The following ATP8B4 variants were observed in gnomAD, a reference collection of about 807,000 sequenced individuals.
The protein encoded by ATP8B4 is ATPase phospholipid transporting 8B4 (putative).
Under a neutral mutation model 145.6 loss-of-function variants are expected in ATP8B4, and 133 were observed. The ratio of observed to expected loss-of-function variants is 0.91; its 90% CI spans 0.79 to 1.05. The LOEUF (loss-of-function observed/expected upper bound fraction) is 1.05. ATP8B4 is among the 50% of genes least tolerant of loss of function. ATP8B4 has a pLI of 0.00. For synonymous variants in ATP8B4, 507 were observed against 492.9 expected (o/e 1.03, Z -0.38); for missense variants, 1,458 against 1,425.2 (o/e 1.02, Z -0.37).
chr15:50,036,545 T>A (rs1046396400), intron 6 of ATP8B4, among the ~76,000 whole-genome samples: 1 of 152,108 alleles, frequency 6.6e-6, no homozygotes, highest in Admixed American at 6.5e-5. Flanking sequence ...ATCCAAAAAG[T>A]GAAAAGCCAG....
At chr15:49,932,483 C>G (rs1354190768) in intron 15 of ATP8B4, among the ~76,000 whole-genome samples, 1 of 152,026 alleles carries the variant, frequency 6.6e-6, no homozygotes, top group Non-Finnish European at 1.5e-5. Flanking sequence ...CACGAAATAA[C>G]ATAAGTTCTA....
rs190421787 is a variant in ATP8B4 at position 50,044,305 on chromosome 15, G to T, written c.300+289C>A. ...TGAATGCAGGTTGATTTCCAATTCT[G>T]CTCTTCCACAAATTGGTTGTATTAT... On this transcript the variant is annotated intron_variant, in intron 5 of 27. Coordinates refer to ENST00000284509, the MANE Select transcript of ATP8B4 (RefSeq NM_024837.4). Among the ~76,000 whole-genome samples, 240 of 152,304 alleles carry T rather than the reference G, an allele frequency of 1.6e-3. 3 individuals are homozygous for T. The highest frequency in any genetic ancestry group is 5.7e-3 in the African/African-American group (236 of 41,548).
intron 20 of ATP8B4, among the ~76,000 whole-genome samples, chr15:49,911,603 G>C (rs2039236530): frequency 1.3e-5 from 2 of 152,094 alleles, no homozygotes; most frequent in Admixed American, 1.3e-4. Flanking sequence ...GACTTCAACA[G>C]TACATTCTCA....
chr15:49,938,578 G>C (rs2041920596), intron 14 of ATP8B4, among the ~76,000 whole-genome samples: 1 of 152,054 alleles, frequency 6.6e-6, no homozygotes. Context: ...TATATATGCA[G>C]TCAATATTGG....
chr15:50,016,856 C>A (rs2049130889), intron 6 of ATP8B4, among the ~76,000 whole-genome samples: 1 of 152,158 alleles, frequency 6.6e-6, no homozygotes, highest in Non-Finnish European at 1.5e-5. Flanking sequence ...ACATCCACTA[C>A]AAACTGAGAG....
intron 9 of ATP8B4, among the ~76,000 whole-genome samples, chr15:49,993,793 C>T (rs1016578960): frequency 6.6e-6 from 1 of 151,964 alleles, no homozygotes; most frequent in East Asian, 1.9e-4. Context: ...GGATTTTAGC[C>T]CAGAAGTGTA....
chr15:50,006,639 C>G (rs2048325665), intron 7 of ATP8B4, among the ~76,000 whole-genome samples: 1 of 152,118 alleles, frequency 6.6e-6, no homozygotes, highest in Non-Finnish European at 1.5e-5. Context: ...CATTCTAGCC[C>G]TATCATTTCC....
chr15:50,026,097 C>T (rs2049987110), intron 6 of ATP8B4, among the ~76,000 whole-genome samples: 1 of 152,202 alleles, frequency 6.6e-6, no homozygotes, highest in African/African-American at 2.4e-5. Context: ...TTGTAACTTT[C>T]AGATCCTACC....
At chr15:49,901,305 A>G (rs868184283) in intron 20 of ATP8B4, 66 bp from the exon 21 acceptor site, 4 of 1,503,910 alleles carry the variant, frequency 2.7e-6, no homozygotes, top group Non-Finnish European at 3.6e-6. Flanking sequence ...AATTCTAACA[A>G]GAAACTTGCC....
At chr15:50,181,287 T>C (rs540155099) in intron 1 of ATP8B4, among the ~76,000 whole-genome samples, 100 of 152,328 alleles carry the variant, frequency 6.6e-4, no homozygotes, top group Non-Finnish European at 1.1e-3. Flanking sequence ...CAGTGGCAAG[T>C]AGTGAGCATT....
chr15:49,962,562 C>A (rs1244955285), intron 13 of ATP8B4, among the ~76,000 whole-genome samples: 1 of 152,080 alleles, frequency 6.6e-6, no homozygotes, highest in Non-Finnish European at 1.5e-5. Flanking sequence ...TTTCTTAGTA[C>A]AAAGCTAATA....
intron 9 of ATP8B4, among the ~76,000 whole-genome samples, chr15:49,991,585 T>C (rs949186567): frequency 2.6e-5 from 4 of 152,218 alleles, no homozygotes; most frequent in Admixed American, 1.3e-4. Context: ...TGATCTATAA[T>C]ATTAGATCAA....
At chr15:50,163,265 G>A (rs1167696414) in intron 1 of ATP8B4, among the ~76,000 whole-genome samples, 2 of 152,188 alleles carry the variant, frequency 1.3e-5, no homozygotes, top group South Asian at 2.1e-4. Context: ...TCCTTCTTGG[G>A]AAGGCTTTCC....
At chr15:49,934,513 CA>C (rs2095721695) in intron 14 of ATP8B4, among the ~76,000 whole-genome samples, 1 of 152,060 alleles carries the variant, frequency 6.6e-6, no homozygotes, top group Admixed American at 6.6e-5. Flanking sequence ...TACTTTACGG[CA>C]AAACCTGATC....
chr15:50,093,237 A>C (rs962883504), intron 2 of ATP8B4, among the ~76,000 whole-genome samples: 4 of 152,082 alleles, frequency 2.6e-5, no homozygotes, highest in Admixed American at 6.6e-5. Flanking sequence ...ACTATTCTAG[A>C]TAGAATGCAG....
chr15:50,077,146 T>A (rs146416534), intron 2 of ATP8B4, among the ~76,000 whole-genome samples: 20 of 152,342 alleles, frequency 1.3e-4, no homozygotes, highest in Admixed American at 7.8e-4. Flanking sequence ...AACTCACACC[T>A]GCACAATTAT....
intron 6 of ATP8B4, among the ~76,000 whole-genome samples, chr15:50,030,544 G>A (rs1198452211): frequency 3.3e-5 from 5 of 152,064 alleles, no homozygotes; most frequent in African/African-American, 9.7e-5. Flanking sequence ...CAAAAACTGA[G>A]GAGAACTTTG....
chr15:50,113,245 C>G (rs1238742668), intron 1 of ATP8B4: 2 of 152,266 alleles, frequency 1.3e-5, no homozygotes, highest in East Asian at 3.9e-4. Context: ...GATTGGGGAA[C>G]TGAAACTCAG....
intron 20 of ATP8B4, among the ~76,000 whole-genome samples, chr15:49,914,520 A>T (rs2039539417): frequency 6.6e-6 from 1 of 152,160 alleles, no homozygotes; most frequent in Non-Finnish European, 1.5e-5. Context: ...AAAGGAAACA[A>T]TCAACAGACT....
Sources: allele counts gnomAD v4.1 joint callset (sites outside exome capture counted in the v4.1 genomes callset), GRCh38; gene constraint gnomAD v4.1.1; transcripts MANE v1.5; gene names NCBI Gene and HGNC (gene_info 2026-07-23, HGNC 2026-07-21).